The following GALNT14 variants were observed in gnomAD, a reference collection of about 807,000 sequenced individuals.
GALNT14 encodes the protein UDP-GalNAc:polypeptide N-acetylgalactosaminyltransferase 14.
GALNT14 carries 60 observed loss-of-function variants against 77.5 expected under a neutral mutation model. The observed-to-expected ratio is 0.77, with a 90% confidence interval of 0.63 to 0.96. The LOEUF is 0.96. Ranked by LOEUF, GALNT14 falls within the 40% of genes least tolerant of loss-of-function variation. The probability of loss-of-function intolerance (pLI) is 0.00; values close to 1 mark genes in which losing one functional copy is unlikely to be tolerated. For missense variants in GALNT14, 710 were observed against 731.0 expected, an observed-to-expected ratio of 0.97 and a Z score of 0.33; for synonymous variants, 280 against 281.7, an observed-to-expected ratio of 0.99 and a Z score of 0.06.
the GALNT14 span, among the ~76,000 whole-genome samples, chr2:30,896,167 C>T: frequency 6.6e-6 from 1 of 152,204 alleles, no homozygotes; most frequent in Non-Finnish European, 1.5e-5. Context: ...AATGCTACAT[C>T]CCCTCTCCCT....
At chr2:30,987,718 C>G in intron 2 of GALNT14, among the ~76,000 whole-genome samples, 1 of 63,726 alleles carries the variant, frequency 1.6e-5, no homozygotes, top group Non-Finnish European at 3.2e-5. Context: ...CCTCCCCCTC[C>G]TCCCCCTCCT....
At chr2:31,097,935 C>T (rs1284219741) in intron 1 of GALNT14, among the ~76,000 whole-genome samples, 1 of 152,142 alleles carries the variant, frequency 6.6e-6, no homozygotes, top group East Asian at 1.9e-4. Flanking sequence ...TTACTAACTG[C>T]TGAAATGGGG....
intron 2 of GALNT14, among the ~76,000 whole-genome samples, chr2:30,970,557 A>G (rs1264314608): frequency 6.6e-6 from 1 of 152,042 alleles, no homozygotes; most frequent in Non-Finnish European, 1.5e-5. Flanking sequence ...TCACAAGCTC[A>G]TGGTTTAGAA....
intron 13 of GALNT14, among the ~76,000 whole-genome samples, chr2:30,917,076 CAAAAAAA>C (rs529653696): frequency 5.0e-4 from 10 of 19,892 alleles, no homozygotes; most frequent in South Asian, 2.6e-3. Context: ...GACTCCGTCT[CAAAAAAA>C]AAAAAAAAAA....
chr2:30,974,718 G>A (rs1024609751), intron 2 of GALNT14, among the ~76,000 whole-genome samples: 7 of 152,182 alleles, frequency 4.6e-5, no homozygotes, highest in Non-Finnish European at 7.3e-5. Flanking sequence ...TTAGGACCCT[G>A]TGTTCACCCC....
intron 2 of GALNT14, among the ~76,000 whole-genome samples, chr2:30,984,124 C>A (rs1182446809): frequency 6.6e-6 from 1 of 152,194 alleles, no homozygotes; most frequent in African/African-American, 2.4e-5. Context: ...CTTTTCCAGG[C>A]CCTATCAGCT....
chr2:31,018,159 A>G (rs1298407577), intron 1 of GALNT14, among the ~76,000 whole-genome samples: 1 of 152,266 alleles, frequency 6.6e-6, no homozygotes, highest in Non-Finnish European at 1.5e-5. Flanking sequence ...AGAGGCTCGC[A>G]GATTTAACAC....
At chr2:30,906,623 C>T (rs908692127), downstream of GALNT14, among the ~76,000 whole-genome samples, 1 of 151,402 alleles carries the variant, frequency 6.6e-6, no homozygotes, top group Non-Finnish European at 1.5e-5. Flanking sequence ...GACTTTAACA[C>T]CCCACTGTCA....
chr2:31,036,195 T>C (rs1558512927), intron 1 of GALNT14, among the ~76,000 whole-genome samples: 1 of 152,220 alleles, frequency 6.6e-6, no homozygotes, highest in Non-Finnish European at 1.5e-5. Flanking sequence ...GTATGCCTTA[T>C]GTCTTTGTTC....
chr2:30,922,458 C>A (rs933505515), intron 13 of GALNT14, among the ~76,000 whole-genome samples: 2 of 152,242 alleles, frequency 1.3e-5, no homozygotes, highest in Non-Finnish European at 2.9e-5. Flanking sequence ...TCCAGCCTCA[C>A]CGTCTGCTGC....
intron 1 of GALNT14, among the ~76,000 whole-genome samples, chr2:31,107,170 G>A (rs941320543): frequency 6.6e-6 from 1 of 152,184 alleles, no homozygotes; most frequent in African/African-American, 2.4e-5. Flanking sequence ...ATGATCCTTT[G>A]TATAAATGCA....
intron 2 of GALNT14, 54 bp downstream of exon 2, chr2:30,992,784 G>A (rs1669784764): frequency 1.3e-6 from 2 of 1,580,300 alleles, no homozygotes; most frequent in African/African-American, 1.3e-5. Flanking sequence ...GATCAAGCCT[G>A]CTGTTGATCT....
intron 1 of GALNT14, among the ~76,000 whole-genome samples, chr2:31,018,744 G>A (rs1425676510): frequency 6.6e-6 from 1 of 152,168 alleles, no homozygotes; most frequent in Non-Finnish European, 1.5e-5. Context: ...GAGTTGGTGA[G>A]GAAATTTGTG....
chr2:31,011,258 A>G (rs1259459334), intron 1 of GALNT14, among the ~76,000 whole-genome samples: 1 of 152,222 alleles, frequency 6.6e-6, no homozygotes, highest in Non-Finnish European at 1.5e-5. Flanking sequence ...TAAGTAAAGC[A>G]CTAAGCTCTG....
chr2:31,079,722 C>T (rs573084681), intron 1 of GALNT14, among the ~76,000 whole-genome samples: 1 of 152,270 alleles, frequency 6.6e-6, no homozygotes, highest in East Asian at 1.9e-4. Flanking sequence ...GGGTCTGGCA[C>T]AACACAAAGT....
chr2:31,135,157 T>A (rs1573397741), intron 1 of GALNT14, among the ~76,000 whole-genome samples: 1 of 152,198 alleles, frequency 6.6e-6, no homozygotes, highest in South Asian at 2.1e-4. Flanking sequence ...ATTCTTCATC[T>A]AGCTCCCAAA....
At chr2:31,030,812 T>C (rs776128661) in intron 1 of GALNT14, among the ~76,000 whole-genome samples, 46 of 152,200 alleles carry the variant, frequency 3.0e-4, no homozygotes, top group Admixed American at 1.3e-4. Context: ...GCAGAGACGG[T>C]ACTGATCACC....
rs572268022 is a variant in GALNT14 at position 30,942,211 on chromosome 2, C to T, written c.921G>A (p.Gly307=). The change falls in exon 9 of 15, where the codon GGG becomes GGA. Residue 307 remains glycine, a synonymous_variant. Transcript: ENST00000349752. ...GAGGCAGGGACTCACCAAAGTTCTC[C>T]CCACCCCAGATGTCCATGTCCATAT... ...KYDMDMDIWG[G]ENFEISFRVW... The T allele has an allele frequency of 3.8e-5, 61 of 1,613,438 alleles. No homozygotes were observed. In the South Asian group the frequency reaches 5.4e-4, roughly 14 times the overall value.
intron 3 of GALNT14, among the ~76,000 whole-genome samples, chr2:30,962,452 C>A (rs1573044724): frequency 1.3e-5 from 2 of 152,232 alleles, no homozygotes; most frequent in Non-Finnish European, 2.9e-5. Context: ...ATTGCCCATG[C>A]CTCAGAGCCC....
Sources: allele counts gnomAD v4.1 joint callset (sites outside exome capture counted in the v4.1 genomes callset), GRCh38; gene constraint gnomAD v4.1.1; transcripts MANE v1.5; gene names NCBI Gene and HGNC (gene_info 2026-07-23, HGNC 2026-07-21).